The following ANKRD28 variants were observed in gnomAD, a reference collection of about 807,000 sequenced individuals.
The protein encoded by ANKRD28 is serine/threonine-protein phosphatase 6 regulatory ankyrin repeat subunit A.
Under a neutral mutation model 126.5 loss-of-function variants are expected in ANKRD28, and 44 were observed. The observed-to-expected ratio is 0.35, with a 90% CI of 0.27 to 0.45. The LOEUF is 0.45. Among genes scored for constraint, ANKRD28 ranks in the 20% least tolerant of loss-of-function variants. The pLI is 1.00. For synonymous variants in ANKRD28, 442 were observed against 468.5 expected, an observed-to-expected ratio of 0.94 and a Z score of 0.73; for missense variants, 1,110 against 1,316.6, an observed-to-expected ratio of 0.84 and a Z score of 2.43.
At chr3:15,791,342 T>A (rs765069185) in intron 2 of ANKRD28, among the ~76,000 whole-genome samples, 1 of 151,202 alleles carries the variant, frequency 6.6e-6, no homozygotes, top group Non-Finnish European at 1.5e-5. Flanking sequence ...ACTGGTGGAA[T>A]CCCATTATCT....
chr3:15,697,056 C>T (rs976912815), intron 14 of ANKRD28, among the ~76,000 whole-genome samples: 6 of 152,092 alleles, frequency 3.9e-5, no homozygotes, highest in South Asian at 2.1e-4. Context: ...TATCTATCAA[C>T]GAACGAGTGC....
At chr3:15,747,161 C>G (rs1420826871) in intron 4 of ANKRD28, among the ~76,000 whole-genome samples, 2 of 144,820 alleles carry the variant, frequency 1.4e-5, no homozygotes, top group Admixed American at 1.4e-4. Context: ...TTTCATTTAT[C>G]TTTCCTTTTT....
chr3:15,691,112 A>C (rs946425481), intron 17 of ANKRD28, among the ~76,000 whole-genome samples: 11 of 151,894 alleles, frequency 7.2e-5, no homozygotes, highest in African/African-American at 2.2e-4. Flanking sequence ...AAGATTTGTC[A>C]GACTGAAGTT....
chr3:15,771,153 T>C (rs1393860872), intron 2 of ANKRD28, among the ~76,000 whole-genome samples: 1 of 151,846 alleles, frequency 6.6e-6, no homozygotes, highest in Non-Finnish European at 1.5e-5. Context: ...CTCGTGCCTG[T>C]AATCCCAGCA....
rs1363798833 is a variant in ANKRD28, at chr3:15,812,613, A to C, written c.28-17307T>G. Among the ~76,000 whole-genome samples, 1 of 152,178 alleles carries C rather than the reference A, an allele frequency of 6.6e-6. No individual in the cohort carries two copies. Among genetic ancestry groups the C allele is most frequent in the East Asian group, 1.9e-4 (1 of 5,198 alleles). On this transcript the variant is annotated intron_variant, in intron 1 of 27. Transcript: ENST00000399451. This position sits in a 1 kb window ranked among gnomAD's most constrained non-coding sequence, Gnocchi z 4.1. ...TGTTGTTTTTCTGTCTTGCTTACCAATTATCCAAATGCTCGTTTGGGAACA... is the reference window on the plus strand; with the variant it reads ...TGTTGTTTTTCTGTCTTGCTTACCACTTATCCAAATGCTCGTTTGGGAACA...
At chr3:15,721,235 C>T (rs567443952) in intron 7 of ANKRD28, 108 bp from the exon 8 acceptor site, 62 of 894,224 alleles carry the variant, frequency 6.9e-5, no homozygotes, top group Admixed American at 5.2e-4. Flanking sequence ...AAGTGAGAAA[C>T]GGAGACAAGA....
chr3:15,759,220 G>A (rs1034952546), intron 3 of ANKRD28, among the ~76,000 whole-genome samples: 4 of 152,184 alleles, frequency 2.6e-5, no homozygotes, highest in African/African-American at 9.7e-5. Context: ...CACGGATTCT[G>A]TAGTCAAACT....
chr3:15,859,267 C>T, intron 1 of ANKRD28: 2 of 1,451,794 alleles, frequency 1.4e-6, no homozygotes, highest in African/African-American at 1.5e-5. Flanking sequence ...ACCCCCGTTT[C>T]CCTCGCAACC....
At chr3:15,786,873 T>C (rs556824498) in intron 2 of ANKRD28, among the ~76,000 whole-genome samples, 1 of 152,222 alleles carries the variant, frequency 6.6e-6, no homozygotes, top group South Asian at 2.1e-4. Flanking sequence ...TGCACTAAAA[T>C]TGCTTTAAAT....
At chr3:15,767,903 CAAAACAACAAA>C (rs1477020472) in intron 2 of ANKRD28, among the ~76,000 whole-genome samples, 9 of 148,518 alleles carry the variant, frequency 6.1e-5, no homozygotes, top group African/African-American at 2.1e-4. Flanking sequence ...CAAAACAAAA[CAAAACAACAAA>C]AACAAAAACA....
At chr3:15,857,528 G>A (rs1028441798) in intron 1 of ANKRD28, among the ~76,000 whole-genome samples, 5 of 152,128 alleles carry the variant, frequency 3.3e-5, no homozygotes, top group Admixed American at 6.5e-5. Context: ...CAAGTGATCC[G>A]CCTGCCTCGG....
chr3:15,844,625 C>T (rs532986538), intron 1 of ANKRD28, among the ~76,000 whole-genome samples: 5 of 152,086 alleles, frequency 3.3e-5, no homozygotes, highest in East Asian at 1.9e-4. Context: ...ACATTAAAAG[C>T]GATACTTTAA....
intron 1 of ANKRD28, among the ~76,000 whole-genome samples, chr3:15,807,810 G>A (rs754986536): frequency 5.9e-5 from 9 of 152,200 alleles, no homozygotes; most frequent in Non-Finnish European, 1.0e-4. Context: ...CAGTTTTAGA[G>A]ATAAGCTAAA....
At chr3:15,781,951 T>C (rs373473660) in intron 2 of ANKRD28, among the ~76,000 whole-genome samples, 1 of 152,118 alleles carries the variant, frequency 6.6e-6, no homozygotes, top group African/African-American at 2.4e-5. Flanking sequence ...AGTGTAAGAA[T>C]ACTACCTGAA....
At chr3:15,837,066 C>CTCCA (rs956261421) in intron 1 of ANKRD28, among the ~76,000 whole-genome samples, 1 of 148,128 alleles carries the variant, frequency 6.8e-6, no homozygotes, top group African/African-American at 2.5e-5. Context: ...CACCACTGCA[C>CTCCA]TCCAGCCTGG....
chr3:15,804,897 G>A (rs968460409), intron 1 of ANKRD28, among the ~76,000 whole-genome samples: 3 of 145,482 alleles, frequency 2.1e-5, no homozygotes, highest in Non-Finnish European at 4.5e-5. Flanking sequence ...CAAATGGTAT[G>A]TGCCTCAAAG....
intron 2 of ANKRD28, among the ~76,000 whole-genome samples, chr3:15,794,998 T>G (rs1340756209): frequency 6.6e-6 from 1 of 152,108 alleles, no homozygotes; most frequent in Non-Finnish European, 1.5e-5. Flanking sequence ...TCCCTATGTT[T>G]GAAAAATTTC....
chr3:15,788,487 C>A (rs1057194908), intron 2 of ANKRD28, among the ~76,000 whole-genome samples: 3 of 152,004 alleles, frequency 2.0e-5, no homozygotes, highest in Non-Finnish European at 4.4e-5. Context: ...GAAATGTTAA[C>A]CTGTCAATTT....
At chr3:15,841,364 A>G in intron 1 of ANKRD28, among the ~76,000 whole-genome samples, 1 of 152,220 alleles carries the variant, frequency 6.6e-6, no homozygotes, top group East Asian at 1.9e-4. Context: ...CAAGTTAAAA[A>G]GCTTCTGCAC....
Sources: allele counts gnomAD v4.1 joint callset (sites outside exome capture counted in the v4.1 genomes callset), GRCh38; gene constraint gnomAD v4.1.1; non-coding constraint Gnocchi (gnomAD v3.1); transcripts MANE v1.5; gene names NCBI Gene and HGNC (gene_info 2026-07-23, HGNC 2026-07-21).